CSMD3: variants seen among roughly 807,000 people sequenced by gnomAD.
CSMD3 encodes CUB and Sushi multiple domains 3.
In CSMD3, 177 loss-of-function variants were observed where a neutral mutation model predicts 435.2. The observed-to-expected ratio is 0.41, with a 90% CI of 0.36 to 0.46. The LOEUF (loss-of-function observed/expected upper bound fraction) is 0.46. Ranked by LOEUF, CSMD3 falls within the 20% of genes least tolerant of loss-of-function variation. CSMD3 has a pLI of 0.34. For synonymous variants in CSMD3, 1,656 were observed against 1,520.5 expected (o/e 1.09, Z -2.07); for missense variants, 4,265 against 4,504.6 (o/e 0.95, Z 1.52).
At chr8:112,478,862 T>C (rs1276989866) in intron 31 of CSMD3, among the ~76,000 whole-genome samples, 1 of 152,162 alleles carries the variant, frequency 6.6e-6, no homozygotes, top group East Asian at 1.9e-4. Context: ...AATCGAATGC[T>C]GCCTTTTCCA....
intron 13 of CSMD3, among the ~76,000 whole-genome samples, chr8:112,697,757 T>G (rs576228045): frequency 7.5e-4 from 114 of 151,762 alleles, no homozygotes; most frequent in Non-Finnish European, 1.2e-3. Flanking sequence ...ACTAAGGATA[T>G]AAAGACAAAT....
Position 112,636,895 on chromosome 8 carries a change from G to A in CSMD3, c.3637C>T (p.Arg1213Ter), listed in dbSNP as rs780503678. 4 of 1,613,224 alleles carry A rather than the reference G, an allele frequency of 2.5e-6. No homozygotes were observed. The highest frequency in any genetic ancestry group is 1.1e-5 in the South Asian group (1 of 91,038). ...TLTFSCSSGY[R>*]LEGTSEIICL... is the part of the protein sequence containing the mutation. ...ATGATCTCTGATGTTCCTTCCAGTCGATAACCCGAAGAGCATGAGAAGGTC... is the reference window on the plus strand; with the variant it reads ...ATGATCTCTGATGTTCCTTCCAGTCAATAACCCGAAGAGCATGAGAAGGTC... The change falls in exon 22 of 71, where the codon CGA becomes TGA. Residue 1213 changes from arginine (R) to a stop codon, truncating the protein, a stop_gained. Coordinates refer to ENST00000297405, the MANE Select transcript of CSMD3 (RefSeq NM_198123.2). LOFTEE classifies it high-confidence loss of function.
At chr8:112,301,088 A>C (rs1336692641) in intron 53 of CSMD3, among the ~76,000 whole-genome samples, 8 of 152,088 alleles carry the variant, frequency 5.3e-5, no homozygotes, top group Admixed American at 5.2e-4. Flanking sequence ...CAGATCTTGA[A>C]ATCATTTTAG....
At chr8:113,277,489 G>A (rs563550893) in intron 3 of CSMD3, among the ~76,000 whole-genome samples, 4 of 152,004 alleles carry the variant, frequency 2.6e-5, no homozygotes, top group East Asian at 3.9e-4. Flanking sequence ...TACTGTACTA[G>A]AATTAGTGTT....
intron 1 of CSMD3, among the ~76,000 whole-genome samples, chr8:113,339,364 A>G (rs916454498): frequency 1.8e-4 from 28 of 151,954 alleles, no homozygotes; most frequent in African/African-American, 6.0e-4. Flanking sequence ...CAAAATGCCT[A>G]TGGCCTAAAG....
rs1451842407 is a variant in CSMD3, at chr8:112,513,340, T to A, written c.4756+3694A>T. Reference sequence around the variant, plus strand: ...GCAACTCTTCCTTTCACTTGAATGCTCAGAGGCCATTGGTCTAATTTTAAT... The same window carrying A: ...GCAACTCTTCCTTTCACTTGAATGCACAGAGGCCATTGGTCTAATTTTAAT... On this transcript the variant is annotated intron_variant, in intron 28 of 70. Coordinates refer to ENST00000297405, the MANE Select transcript of CSMD3 (RefSeq NM_198123.2). 3.6e-4 allele frequency among the ~76,000 whole-genome samples: 55 copies of A among 152,176 alleles called. 1 individual carries two copies. Among genetic ancestry groups the A allele is most frequent in the Admixed American group, 3.6e-3 (55 of 15,266 alleles).
chr8:112,552,836 T>C lies in CSMD3; in HGVS notation c.4235-116A>G, dbSNP rs147143407. The C allele has an allele frequency of 9.2e-4, 797 of 865,222 alleles. 2 individuals are homozygous for C. The African/African-American group carries it at 0.012, about 13-fold the overall frequency. The allele number at this position is 865,222 out of a possible 1,614,324, so 53.6% of individuals were successfully genotyped here. A position where few individuals can be genotyped will look rare whatever the true frequency, so the allele number is the denominator to read the frequency against. ...CTGATTTTCTTGTTTCTTTAAAGTATACATTTGTATAAACTTTTAAAGTAT... is the reference window on the plus strand; with the variant it reads ...CTGATTTTCTTGTTTCTTTAAAGTACACATTTGTATAAACTTTTAAAGTAT... On this transcript the variant is annotated intron_variant, in intron 25 of 70. Transcript: ENST00000297405.
intron 4 of CSMD3, among the ~76,000 whole-genome samples, chr8:113,162,595 T>C (rs749401501): frequency 6.7e-6 from 1 of 148,330 alleles, no homozygotes; most frequent in African/African-American, 2.5e-5. Context: ...AAAAAAAAAC[T>C]TGTTTACTCT....
At chr8:112,293,271 A>C (rs1819956345) in intron 54 of CSMD3, among the ~76,000 whole-genome samples, 1 of 152,134 alleles carries the variant, frequency 6.6e-6, no homozygotes, top group African/African-American at 2.4e-5. Flanking sequence ...ACTAGATGAC[A>C]GAATGAGATC....
At chr8:112,317,003 C>T (rs1822540031) in intron 47 of CSMD3, among the ~76,000 whole-genome samples, 1 of 151,880 alleles carries the variant, frequency 6.6e-6, no homozygotes, top group South Asian at 2.1e-4. Context: ...TCTTAGCAAG[C>T]TTGTGTAATA....
At chr8:112,543,731 T>C (rs1430734114) in intron 27 of CSMD3, among the ~76,000 whole-genome samples, 5 of 152,170 alleles carry the variant, frequency 3.3e-5, no homozygotes, top group Non-Finnish European at 2.9e-5. Flanking sequence ...TTTCTAGATA[T>C]TTATCCTAAA....
At chr8:112,895,312 A>G (rs1386169060) in intron 10 of CSMD3, among the ~76,000 whole-genome samples, 1 of 151,474 alleles carries the variant, frequency 6.6e-6, no homozygotes, top group Admixed American at 6.6e-5. Flanking sequence ...ATAGGTAGAT[A>G]TTTCAGCAAT....
intron 1 of CSMD3, among the ~76,000 whole-genome samples, chr8:113,435,125 CGACAAAGAA>C (rs2094697780): frequency 6.6e-6 from 1 of 152,178 alleles, no homozygotes; most frequent in African/African-American, 2.4e-5. Context: ...GTCGAGCCAG[CGACAAAGAA>C]ACCTTGTAAG....
At chr8:113,264,533 T>C (rs1044205256) in intron 3 of CSMD3, among the ~76,000 whole-genome samples, 1 of 151,494 alleles carries the variant, frequency 6.6e-6, no homozygotes, top group African/African-American at 2.4e-5. Context: ...ACAAAGCTTA[T>C]GTAGGTCATA....
chr8:112,470,362 G>A (rs1818400129), intron 32 of CSMD3, among the ~76,000 whole-genome samples: 1 of 152,018 alleles, frequency 6.6e-6, no homozygotes, highest in Non-Finnish European at 1.5e-5. Flanking sequence ...AGAAGAATGT[G>A]TATATGTGTA....
At chr8:112,707,562 G>T (rs535321242) in intron 13 of CSMD3, among the ~76,000 whole-genome samples, 1 of 152,000 alleles carries the variant, frequency 6.6e-6, no homozygotes, top group African/African-American at 2.4e-5. Flanking sequence ...CAGGCAATTT[G>T]GAAAATTGGT....
At chr8:112,953,918 A>G (rs558227343) in intron 8 of CSMD3, among the ~76,000 whole-genome samples, 6 of 151,646 alleles carry the variant, frequency 4.0e-5, no homozygotes, top group African/African-American at 1.4e-4. Flanking sequence ...GTTATTTTGG[A>G]AGTCAAGTAT....
intron 1 of CSMD3, among the ~76,000 whole-genome samples, chr8:113,401,117 A>G (rs2094508232): frequency 4.0e-5 from 6 of 151,842 alleles, no homozygotes. Flanking sequence ...TGACATCTCA[A>G]TTAAGATAGA....
At chr8:112,436,844 A>C (rs1814410780) in intron 32 of CSMD3, among the ~76,000 whole-genome samples, 1 of 152,186 alleles carries the variant, frequency 6.6e-6, no homozygotes, top group African/African-American at 2.4e-5. Flanking sequence ...AAATGAAATC[A>C]GTCTATCAAT....
Sources: allele counts gnomAD v4.1 joint callset (sites outside exome capture counted in the v4.1 genomes callset), GRCh38; gene constraint gnomAD v4.1.1; transcripts MANE v1.5; gene names NCBI Gene and HGNC (gene_info 2026-07-23, HGNC 2026-07-21).